GLB1L2: variants seen among roughly 807,000 people sequenced by gnomAD.
GLB1L2 encodes galactosidase beta 1 like 2.
In GLB1L2, 68 loss-of-function variants were observed where a neutral mutation model predicts 84.1. That is an observed-to-expected ratio of 0.81 (90% CI 0.67 to 0.99). The LOEUF (loss-of-function observed/expected upper bound fraction) is 0.99, where lower values mean the gene tolerates loss of function less well. GLB1L2 is among the 50% of genes least tolerant of loss of function. The pLI is 0.00. For synonymous variants in GLB1L2, 290 were observed against 318.0 expected (o/e 0.91, Z 0.94); for missense variants, 762 against 805.6 (o/e 0.95, Z 0.66).
At chr11:134,368,904 GA>G in intron 10 of GLB1L2, 123 bp downstream of exon 10, 2 of 988,290 alleles carry the variant, frequency 2.0e-6, no homozygotes, top group Non-Finnish European at 3.0e-6. Context: ...AGAGTACCTG[GA>G]GAAGGTACTT....
chr11:134,368,528 A>G (rs1294411294), intron 9 of GLB1L2, 116 bp from the exon 10 acceptor site: 1 of 1,024,986 alleles, frequency 9.8e-7, no homozygotes, highest in Non-Finnish European at 1.5e-6. Context: ...ACAGAGTGAC[A>G]AAGTTGGCCT....
Position 134,374,192 on chromosome 11 carries a change from C to T in GLB1L2, c.1643C>T (p.Pro548Leu). 1 of 1,614,200 alleles carries T rather than the reference C, an allele frequency of 6.2e-7. No homozygotes were observed. The highest frequency in any genetic ancestry group is 8.5e-7 in the Non-Finnish European group (1 of 1,180,008). The change falls in exon 17 of 19, where the codon CCT (proline) becomes CTT (leucine). Residue 548 changes from proline (P) to leucine (L), a missense_variant. By Grantham distance (98) the Pro-to-Leu change is moderately conservative (BLOSUM62 -3). Transcript: ENST00000535456. Reference sequence around the variant, plus strand: ...TCCCTCCCAGAAACACCCACATTACCTGCTTTCTTCTTGGGTAGCTTGTCC... The same window carrying T: ...TCCCTCCCAGAAACACCCACATTACTTGCTTTCTTCTTGGGTAGCTTGTCC... ...WSSLPETPTL[P>L]AFFLGSLSIS...
intron 15 of GLB1L2, among the ~76,000 whole-genome samples, chr11:134,373,449 C>T (rs1374291577): frequency 1.3e-5 from 2 of 152,198 alleles, no homozygotes; most frequent in African/African-American, 4.8e-5. Flanking sequence ...AGGTTGTTCT[C>T]GCCCTGTAAC....
chr11:134,353,340 A>G (rs1943658228), intron 5 of GLB1L2, among the ~76,000 whole-genome samples: 1 of 152,092 alleles, frequency 6.6e-6, no homozygotes, highest in South Asian at 2.1e-4. Flanking sequence ...AACCTGGGAG[A>G]TGGAGGTTGC....
At chr11:134,358,887 C>T (rs1943742589) in intron 6 of GLB1L2, among the ~76,000 whole-genome samples, 173 bp from the exon 7 acceptor site, 1 of 152,264 alleles carries the variant, frequency 6.6e-6, no homozygotes, top group African/African-American at 2.4e-5. Context: ...TGGAGCTGTG[C>T]TGAGCATGGC....
Position 134,345,136 on chromosome 11 carries a change from G to A in GLB1L2, c.449+7G>A, listed in dbSNP as rs749124940. 47 of 1,606,528 alleles carry A rather than the reference G, an allele frequency of 2.9e-5. No homozygotes were observed. The highest frequency in any genetic ancestry group is 2.0e-4 in the South Asian group (18 of 90,102). On this transcript the variant is annotated splice_region_variant and intron_variant, in intron 4 of 18. Coordinates refer to ENST00000535456, the MANE Select transcript of GLB1L2 (RefSeq NM_001370461.1). ...ACCTCGGGGGCTTGCCCAGGTAAGCGGGGTTGTGAAGGGTCCTGTGTGCTG... is the reference window on the plus strand; with the variant it reads ...ACCTCGGGGGCTTGCCCAGGTAAGCAGGGTTGTGAAGGGTCCTGTGTGCTG...
intron 13 of GLB1L2, 129 bp from the exon 14 acceptor site, chr11:134,371,292 T>G: frequency 1.6e-6 from 2 of 1,228,840 alleles, no homozygotes; most frequent in Non-Finnish European, 2.4e-6. Context: ...CAGGGGGCAT[T>G]CATGTCTGCT....
intron 15 of GLB1L2, among the ~76,000 whole-genome samples, chr11:134,372,155 A>T (rs1429578339): frequency 1.3e-5 from 2 of 152,190 alleles, no homozygotes; most frequent in Non-Finnish European, 2.9e-5. Flanking sequence ...GGAGCAATGA[A>T]TGTGATTTCC....
intron 1 of GLB1L2, among the ~76,000 whole-genome samples, chr11:134,333,205 C>T (rs906997813): frequency 6.6e-6 from 1 of 152,118 alleles, no homozygotes; most frequent in Non-Finnish European, 1.5e-5. Flanking sequence ...ATAGTGGGGA[C>T]GTCATGATAT....
At chr11:134,350,841 G>A (rs762172691) in intron 5 of GLB1L2, among the ~76,000 whole-genome samples, 1 of 152,238 alleles carries the variant, frequency 6.6e-6, no homozygotes, top group Non-Finnish European at 1.5e-5. Flanking sequence ...ATTGTCCCCT[G>A]ATGGTGGATA....
At chr11:134,363,113 C>T (rs1260188875) in intron 7 of GLB1L2, among the ~76,000 whole-genome samples, 2 of 152,148 alleles carry the variant, frequency 1.3e-5, no homozygotes, top group African/African-American at 4.8e-5. Context: ...TCAGACTGGC[C>T]TCCTGTCTTC....
At chr11:134,350,039 A>G (rs1323330168) in intron 5 of GLB1L2, among the ~76,000 whole-genome samples, 1 of 152,186 alleles carries the variant, frequency 6.6e-6, no homozygotes, top group Non-Finnish European at 1.5e-5. Context: ...CTTAAGCAGA[A>G]GGAAGGAGCC....
chr11:134,364,719 A>G (rs577924366), intron 8 of GLB1L2: 64 of 318,914 alleles, frequency 2.0e-4, no homozygotes, highest in Admixed American at 3.2e-4. Flanking sequence ...GGGGGAAGGA[A>G]AAACTTCCCT....
chr11:134,362,803 G>C (rs1445714245), intron 7 of GLB1L2, among the ~76,000 whole-genome samples: 1 of 152,206 alleles, frequency 6.6e-6, no homozygotes, highest in Non-Finnish European at 1.5e-5. Context: ...GAAGGCTGAG[G>C]ACAGGGCATC....
intron 1 of GLB1L2, among the ~76,000 whole-genome samples, chr11:134,342,489 G>C (rs1943480375): frequency 6.6e-6 from 1 of 152,106 alleles, no homozygotes; most frequent in Admixed American, 6.5e-5. Flanking sequence ...GACGGCTGCC[G>C]TCTCTCCTTT....
chr11:134,374,376 G>A (rs2136292001), intron 17 of GLB1L2, 120 bp downstream of exon 17: 1 of 890,952 alleles, frequency 1.1e-6, no homozygotes, highest in Non-Finnish European at 1.8e-6. Flanking sequence ...GAGGGTCTGA[G>A]AGGGCCGCTG....
In GLB1L2 at chr11:134,332,152, G is replaced by GA; in HGVS notation, c.86+6dup. 6.4e-7 allele frequency: 1 copy of GA among 1,559,758 alleles called. No homozygotes were observed. The highest frequency in any genetic ancestry group is 2.4e-5 in the East Asian group (1 of 41,688). On this transcript the variant is annotated splice_donor_region_variant and intron_variant, in intron 1 of 18. Coordinates refer to ENST00000535456, the MANE Select transcript of GLB1L2 (RefSeq NM_001370461.1). The stretch of plus-strand genomic sequence containing the variant: ...GGGCTTCCTGGTGCTCCGCAGGTGA[G>GA]AGAGAGCTTCGCGCAGCACCTGCCG...
chr11:134,364,329 C>T lies in GLB1L2; in HGVS notation c.735C>T (p.Val245=). The T allele has an allele frequency of 6.2e-7, 1 of 1,613,434 alleles. No homozygotes were observed. The highest frequency in any genetic ancestry group is 8.5e-7 in the Non-Finnish European group (1 of 1,179,464). The change falls in exon 8 of 19, where the codon GTC becomes GTT. Residue 245 remains valine (V), a splice_region_variant and synonymous_variant. Transcript: ENST00000535456. Reference sequence around the variant, plus strand: ...TCTCTCTCCTCTTCCCTTTAACAGTCTTGGCCACCATCAACTTGCAGTCAA... The same window carrying T: ...TCTCTCTCCTCTTCCCTTTAACAGTTTTGGCCACCATCAACTTGCAGTCAA... The part of the protein sequence containing the change: ...DGLSKGIVQG[V]LATINLQSTH...
chr11:134,369,904 ACT>A lies in GLB1L2; in HGVS notation c.1108+21_1108+22del, dbSNP rs777400424. On this transcript the variant is annotated intron_variant, in intron 11 of 18. Coordinates refer to ENST00000535456, the MANE Select transcript of GLB1L2 (RefSeq NM_001370461.1). ...ATCTCAGGTACCCAGCAGACAGCAG[ACT>A]CAAGTTCCAACTCAGGCCCTCGCTT... 2.5e-6 allele frequency: 4 copies of A among 1,607,984 alleles called. No individual in the cohort carries two copies. In the East Asian group the frequency reaches 8.9e-5, roughly 36 times the overall value.
Sources: gnomAD v4.1 joint callset for allele counts (sites outside exome capture counted in the v4.1 genomes callset) on GRCh38, gnomAD v4.1.1 for gene constraint, MANE v1.5 for transcripts, NCBI Gene and HGNC (gene_info 2026-07-23, HGNC 2026-07-21) for gene names.